Variants in ATF7IP observed in about 807,000 individuals in gnomAD.
ATF7IP encodes the protein activating transcription factor 7-interacting protein 1.
In ATF7IP, 23 loss-of-function variants were observed where a neutral mutation model predicts 106.4. That is an observed-to-expected ratio of 0.22 (90% CI 0.16 to 0.31). The LOEUF (loss-of-function observed/expected upper bound fraction) is 0.31. ATF7IP is among the 10% of genes least tolerant of loss of function. ATF7IP has a pLI of 1.00. For missense variants in ATF7IP, 1,334 were observed against 1,524.3 expected, an observed-to-expected ratio of 0.88 and a Z score of 2.08; for synonymous variants, 542 against 539.0, an observed-to-expected ratio of 1.01 and a Z score of -0.08.
intron 2 of ATF7IP, among the ~76,000 whole-genome samples, chr12:14,427,109 A>G (rs558387854): frequency 3.0e-4 from 45 of 151,912 alleles, no homozygotes; most frequent in African/African-American, 1.1e-3. Context: ...TGTATAACAG[A>G]GGTTTTTTTT....
At chr12:14,495,889 A>G (rs566360900) in intron 13 of ATF7IP, among the ~76,000 whole-genome samples, 23 of 152,306 alleles carry the variant, frequency 1.5e-4, no homozygotes, top group African/African-American at 5.5e-4. Context: ...TCTCCTGGTA[A>G]CGATCCATTT....
chr12:14,380,779 C>G (rs1938972000), intron 1 of ATF7IP, among the ~76,000 whole-genome samples: 1 of 152,150 alleles, frequency 6.6e-6, no homozygotes, highest in Non-Finnish European at 1.5e-5. Flanking sequence ...GCCACCACGC[C>G]CAGCTAATTT....
intron 1 of ATF7IP, among the ~76,000 whole-genome samples, chr12:14,389,663 T>C (rs893549422): frequency 6.6e-6 from 1 of 152,222 alleles, no homozygotes; most frequent in African/African-American, 2.4e-5. Context: ...GTTTCGCTCT[T>C]GTTGCCTAGG....
At chr12:14,479,490 A>G (rs1428959139) in intron 12 of ATF7IP, among the ~76,000 whole-genome samples, 1 of 152,184 alleles carries the variant, frequency 6.6e-6, no homozygotes, top group Non-Finnish European at 1.5e-5. Context: ...TCTTCTCATT[A>G]AGGAAAACAT....
intron 5 of ATF7IP, 64 bp from the exon 6 acceptor site, chr12:14,446,921 GTTT>G: frequency 1.2e-6 from 1 of 846,662 alleles, no homozygotes; most frequent in Non-Finnish European, 1.6e-6. Context: ...TATATTCATG[GTTT>G]TTTTTTTTAA....
intron 13 of ATF7IP, among the ~76,000 whole-genome samples, chr12:14,484,448 A>G (rs1174779378): frequency 1.3e-5 from 2 of 152,342 alleles, no homozygotes; most frequent in Non-Finnish European, 2.9e-5. Context: ...ATAAATATAT[A>G]TAATCATGCA....
chr12:14,436,291 A>G (rs1168088284), intron 4 of ATF7IP, 40 bp downstream of exon 4: 1 of 1,536,880 alleles, frequency 6.5e-7, no homozygotes, highest in Admixed American at 1.8e-5. Flanking sequence ...TATTGAATAA[A>G]TAGCACCACT....
intron 2 of ATF7IP, among the ~76,000 whole-genome samples, chr12:14,431,351 T>TAACAG (rs1013949259): frequency 5.3e-5 from 8 of 151,476 alleles, no homozygotes; most frequent in African/African-American, 1.9e-4. Context: ...AAAGGAATTA[T>TAACAG]AACAGAAACT....
Position 14,436,097 on chromosome 12 carries a change from C to T in ATF7IP, c.1646-9C>T, listed in dbSNP as rs2136619744. On this transcript the variant is annotated splice_polypyrimidine_tract_variant and intron_variant, in intron 3 of 14. Coordinates refer to ENST00000261168, the MANE Select transcript of ATF7IP (RefSeq NM_018179.5). ...ACCTGAGTGTGATCATTGTGGTTTTCCTTCTCAGATGAATTTTCTAGACGA... is the reference window on the plus strand; with the variant it reads ...ACCTGAGTGTGATCATTGTGGTTTTTCTTCTCAGATGAATTTTCTAGACGA... 6.2e-7 allele frequency: 1 copy of T among 1,611,562 alleles called. No individual in the cohort carries two copies. The highest frequency in any genetic ancestry group is 1.1e-5 in the South Asian group (1 of 90,690).
chr12:14,409,885 A>C (rs912045831), intron 1 of ATF7IP, among the ~76,000 whole-genome samples: 1 of 152,138 alleles, frequency 6.6e-6, no homozygotes, highest in Non-Finnish European at 1.5e-5. Context: ...AAAAACACTC[A>C]ACTGAAGTTC....
At chr12:14,490,470 T>C (rs577926123) in intron 13 of ATF7IP, among the ~76,000 whole-genome samples, 12 of 152,276 alleles carry the variant, frequency 7.9e-5, no homozygotes, top group African/African-American at 2.9e-4. Context: ...CATCTAGCCA[T>C]TTCTCTTTCT....
chr12:14,476,209 T>G (rs1276390714), intron 11 of ATF7IP: 1 of 361,840 alleles, frequency 2.8e-6, no homozygotes, highest in African/African-American at 2.2e-5. Context: ...GTCAGGAGTT[T>G]GAGACCAGCC....
chr12:14,421,074 G>T (rs1295825743), intron 1 of ATF7IP, among the ~76,000 whole-genome samples: 1 of 152,192 alleles, frequency 6.6e-6, no homozygotes, highest in Non-Finnish European at 1.5e-5. Context: ...CTGGCCAGAT[G>T]TTAACAAGGA....
intron 10 of ATF7IP, among the ~76,000 whole-genome samples, chr12:14,469,767 G>C (rs1046278479): frequency 6.6e-6 from 1 of 152,176 alleles, no homozygotes; most frequent in African/African-American, 2.4e-5. Context: ...TATAGAGCAA[G>C]AGCAACAGGG....
intron 13 of ATF7IP, among the ~76,000 whole-genome samples, chr12:14,493,823 A>G (rs1490326951): frequency 6.6e-6 from 1 of 152,100 alleles, no homozygotes; most frequent in African/African-American, 2.4e-5. Flanking sequence ...TACAGGAGAT[A>G]AGACTCTCAT....
At chr12:14,493,563 A>T (rs966169490) in intron 13 of ATF7IP, among the ~76,000 whole-genome samples, 17 of 152,132 alleles carry the variant, frequency 1.1e-4, no homozygotes, top group African/African-American at 4.1e-4. Flanking sequence ...TGTTGCCACT[A>T]CTGGGGATGG....
At chr12:14,485,223 A>C (rs144210295) in intron 13 of ATF7IP, among the ~76,000 whole-genome samples, 1,929 of 152,154 alleles carry the variant, frequency 0.013, 54 homozygotes, top group African/African-American at 0.044. Flanking sequence ...CAAAACTGGC[A>C]GCCTTTCAGG....
At chr12:14,478,555 C>T (rs1944332079) in intron 12 of ATF7IP, 83 bp downstream of exon 12, 2 of 1,468,946 alleles carry the variant, frequency 1.4e-6, no homozygotes, top group African/African-American at 1.4e-5. Flanking sequence ...AAAGATAAGA[C>T]AGAAAATTAA....
At chr12:14,397,086 C>T (rs889775692) in intron 1 of ATF7IP, among the ~76,000 whole-genome samples, 3 of 152,048 alleles carry the variant, frequency 2.0e-5, no homozygotes, top group Admixed American at 6.6e-5. Flanking sequence ...TGCTTGAATC[C>T]GGGAGGCGGA....
Sources: allele counts gnomAD v4.1 joint callset (sites outside exome capture counted in the v4.1 genomes callset), GRCh38; gene constraint gnomAD v4.1.1; transcripts MANE v1.5; gene names NCBI Gene and HGNC (gene_info 2026-07-23, HGNC 2026-07-21).